MTF1: variants seen among roughly 807,000 people sequenced by gnomAD.
MTF1 encodes MRE-binding transcription factor.
A neutral mutation model predicts 70.4 loss-of-function variants in MTF1; 22 were observed. That is an observed-to-expected ratio of 0.31 (90% confidence interval 0.22 to 0.45). The LOEUF (loss-of-function observed/expected upper bound fraction) is 0.45. Ranked by LOEUF, MTF1 falls within the 20% of genes least tolerant of loss-of-function variation. The pLI, the probability that MTF1 is intolerant of heterozygous loss-of-function variation, is 1.00. For missense variants in MTF1, 649 were observed against 922.0 expected, an observed-to-expected ratio of 0.70 and a Z score of 3.83; for synonymous variants, 333 against 352.8, an observed-to-expected ratio of 0.94 and a Z score of 0.63.
At chr1:37,827,502 C>T (rs1160635886) in intron 7 of MTF1, among the ~76,000 whole-genome samples, 1 of 151,976 alleles carries the variant, frequency 6.6e-6, no homozygotes, top group East Asian at 1.9e-4. Context: ...GGACTACAGG[C>T]GCCTGCCATC....
rs55770621 is a variant in MTF1 at position 37,820,943 on chromosome 1, C to T, written c.1767+1178G>A. Reference sequence around the variant, plus strand: ...CCTATAGTCCCAGCACTTTGGGAGACGGAGGCAGGCAGATTGCTTGGGTCT... The same window carrying T: ...CCTATAGTCCCAGCACTTTGGGAGATGGAGGCAGGCAGATTGCTTGGGTCT... On this transcript the variant is annotated intron_variant, in intron 9 of 10. Transcript: ENST00000373036. 5.1e-3 allele frequency among the ~76,000 whole-genome samples: 777 copies of T among 152,230 alleles called. 5 individuals are homozygous for T. Among genetic ancestry groups the T allele is most frequent in the African/African-American group, 0.017 (724 of 41,544 alleles).
At chr1:37,832,397 T>C in intron 6 of MTF1, 75 bp from the exon 7 acceptor site, 2 of 946,288 alleles carry the variant, frequency 2.1e-6, no homozygotes, top group Non-Finnish European at 3.4e-6. Flanking sequence ...ACAAAACATT[T>C]GATTACAAAG....
At position 37,812,412 on chromosome 1, in the gene MTF1, T is replaced by G. The variant is rs540351748; in HGVS notation, c.*2724A>C. On this transcript the variant is annotated 3_prime_UTR_variant, in exon 11 of 11. Transcript: ENST00000373036. Reference sequence around the variant, plus strand: ...CTCACTGGCATTTTAAGCACATTCCTGATTTTTCAAAAGCTGATTGGATCT... The same window carrying G: ...CTCACTGGCATTTTAAGCACATTCCGGATTTTTCAAAAGCTGATTGGATCT... The G allele has an allele frequency of 6.6e-6, 1 of 152,246 alleles. No individual in the cohort carries two copies. The highest frequency in any genetic ancestry group is 1.5e-5 in the Non-Finnish European group (1 of 68,052). The allele number at this position is 152,246 out of a possible 1,614,324, so 9.4% of individuals were successfully genotyped here. A position where few individuals can be genotyped will look rare whatever the true frequency, so the allele number is the denominator to read the frequency against.
chr1:37,829,554 G>A (rs1365794785), intron 7 of MTF1, among the ~76,000 whole-genome samples: 4 of 151,888 alleles, frequency 2.6e-5, no homozygotes, highest in South Asian at 2.1e-4. Context: ...AGTCCGAGAC[G>A]GGCGGATCAC....
chr1:37,845,535 A>C (rs935894883), intron 2 of MTF1, among the ~76,000 whole-genome samples: 5 of 152,096 alleles, frequency 3.3e-5, no homozygotes, highest in Admixed American at 6.6e-5. Flanking sequence ...GAATAGATGG[A>C]GTTTCTCTCT....
intron 7 of MTF1, among the ~76,000 whole-genome samples, chr1:37,829,653 C>T (rs59165315): frequency 0.3 from 45,508 of 151,682 alleles, 6,836 homozygotes; most frequent in Middle Eastern, 0.39. Context: ...GGCATGGTGG[C>T]GGGCGCCTGT....
intron 1 of MTF1, among the ~76,000 whole-genome samples, chr1:37,859,295 G>A (rs1025418451): frequency 6.6e-6 from 1 of 152,182 alleles, no homozygotes; most frequent in African/African-American, 2.4e-5. Context: ...GGGCTACACA[G>A]AAAAATCCGA....
rs780170871 is a variant in MTF1, at chr1:37,815,376, T to G, written c.2022A>C (p.Pro674=). The change falls in exon 11 of 11, where the codon CCA becomes CCC. Residue 674 remains proline, a synonymous_variant. Transcript: ENST00000373036. This position sits in a 1 kb window ranked among gnomAD's most constrained non-coding sequence, Gnocchi z 4.5. The stretch of plus-strand genomic sequence containing the variant: ...CAGGGGCTGAAGAGAAAGTCTGCGC[T>G]GGGAGCTGCAGGCTGGGCCCATCAG... The part of the protein sequence containing the change: ...QAPDGPSLQL[P]AQTFSSAPVP... The G allele has an allele frequency of 1.2e-6, 2 of 1,614,008 alleles. No individual in the cohort carries two copies. Among genetic ancestry groups the G allele is most frequent in the Middle Eastern group, 1.7e-4 (1 of 6,058 alleles).
At chr1:37,844,269 A>C (rs1297754530) in intron 2 of MTF1, among the ~76,000 whole-genome samples, 1 of 152,176 alleles carries the variant, frequency 6.6e-6, no homozygotes, top group African/African-American at 2.4e-5. Context: ...GCAAGACTGA[A>C]TTCCTACTTC....
intron 2 of MTF1, among the ~76,000 whole-genome samples, chr1:37,856,788 C>T (rs1641504181): frequency 6.6e-6 from 1 of 152,196 alleles, no homozygotes; most frequent in Non-Finnish European, 1.5e-5. Context: ...GCGTGTGCCA[C>T]TGTGAAATAA....
chr1:37,841,619 T>C, intron 2 of MTF1: 1 of 175,114 alleles, frequency 5.7e-6, no homozygotes, highest in South Asian at 1.3e-4. Context: ...ACTGACCACC[T>C]CATCAAGACC....
chr1:37,829,037 C>T (rs1314751477), intron 7 of MTF1, among the ~76,000 whole-genome samples: 1 of 152,156 alleles, frequency 6.6e-6, no homozygotes, highest in South Asian at 2.1e-4. Flanking sequence ...GATATGCATA[C>T]ATATGGCTGC....
At chr1:37,824,787 A>G (rs960548597) in intron 7 of MTF1, among the ~76,000 whole-genome samples, 3 of 152,174 alleles carry the variant, frequency 2.0e-5, no homozygotes, top group Admixed American at 6.5e-5. Flanking sequence ...CATAATATCT[A>G]TGATATTCTA....
Position 37,823,734 on chromosome 1 carries a change from T to C in MTF1, c.1147A>G (p.Ile383Val), listed in dbSNP as rs1640955744. ...SMFQNSDDTA[I>V]QEDPQQTASL... ...CCTGTCTGTTGAGGATCTTCCTGAA[T>C]TGCCGTATCATCTGAATTCTGGAAC... Residue 383 changes from isoleucine (I) to valine (V), a missense_variant, in exon 8 of 11, where the codon ATT (isoleucine) becomes GTT (valine). Around this residue, in one of 7 missense-constraint regions of MTF1, gnomAD observed 267 missense variants for 292.1 expected, o/e 0.91. Coordinates refer to ENST00000373036, the MANE Select transcript of MTF1 (RefSeq NM_005955.3). 3 of 1,614,016 alleles carry C rather than the reference T, an allele frequency of 1.9e-6. No homozygotes were observed.
At position 37,815,134 on chromosome 1, in the gene MTF1, C is replaced by T. The variant is rs763068576; in HGVS notation, c.*2G>A. The T allele has an allele frequency of 7.4e-6, 12 of 1,613,650 alleles. No individual in the cohort carries two copies. Among genetic ancestry groups the T allele is most frequent in the South Asian group, 2.2e-5 (2 of 91,068 alleles). ...TCCCAGAGGTGAGCACACATGGGCC[C>T]TTCACTTGGAGAAGCTGCTGGTGAG... On this transcript the variant is annotated 3_prime_UTR_variant, in exon 11 of 11. Transcript: ENST00000373036. The surrounding 1 kb of genome is among the most constrained non-coding windows in gnomAD (Gnocchi z 4.5).
chr1:37,820,220 T>G (rs552298262), intron 9 of MTF1, among the ~76,000 whole-genome samples: 3 of 152,320 alleles, frequency 2.0e-5, no homozygotes, highest in Non-Finnish European at 2.9e-5. Flanking sequence ...GAGCCCCAAA[T>G]GGCCTTTCTA....
chr1:37,843,449 G>C (rs1288348704), intron 2 of MTF1, among the ~76,000 whole-genome samples: 1 of 152,154 alleles, frequency 6.6e-6, no homozygotes, highest in African/African-American at 2.4e-5. Flanking sequence ...AGGTAGGAGA[G>C]GGACATTTAG....
intron 7 of MTF1, among the ~76,000 whole-genome samples, chr1:37,830,363 G>A (rs944099387): frequency 2.6e-5 from 4 of 152,070 alleles, no homozygotes; most frequent in African/African-American, 9.7e-5. Context: ...AATTATTTCA[G>A]CTATATTTTT....
Position 37,811,607 on chromosome 1 carries a change from T to C in MTF1, c.*3529A>G, listed in dbSNP as rs1034335364. Reference sequence around the variant, plus strand: ...ATACCAATATGAGGTTCTGCAAACTTGTCCCTCTGGACACATTCAGCATTA... The same window carrying C: ...ATACCAATATGAGGTTCTGCAAACTCGTCCCTCTGGACACATTCAGCATTA... On this transcript the variant is annotated 3_prime_UTR_variant, in exon 11 of 11. Transcript: ENST00000373036. 1 of 152,238 alleles carries C rather than the reference T, an allele frequency of 6.6e-6. No homozygotes were observed. The highest frequency in any genetic ancestry group is 2.4e-5 in the African/African-American group (1 of 41,460). The allele number at this position is 152,238 out of a possible 1,614,324, so 9.4% of individuals were successfully genotyped here. A position where few individuals can be genotyped will look rare whatever the true frequency, so the allele number is the denominator to read the frequency against.
Sources: allele counts gnomAD v4.1 joint callset (sites outside exome capture counted in the v4.1 genomes callset), GRCh38; gene constraint gnomAD v4.1.1; regional missense constraint gnomAD v4.1.1; non-coding constraint Gnocchi (gnomAD v3.1); transcripts MANE v1.5; gene names NCBI Gene and HGNC (gene_info 2026-07-23, HGNC 2026-07-21).